Variants in TEX10 observed in about 807,000 individuals in gnomAD.
TEX10 encodes the protein testis-expressed protein 10.
Under a neutral mutation model 104.4 loss-of-function variants are expected in TEX10, and 24 were observed. The ratio of observed to expected loss-of-function variants is 0.23; its 90% confidence interval spans 0.17 to 0.32. The LOEUF is 0.32. Ranked by LOEUF, TEX10 falls within the 10% of genes least tolerant of loss-of-function variation. TEX10 has a pLI of 1.00. For missense variants in TEX10, 921 were observed against 1,083.9 expected (o/e 0.85, Z 2.11); for synonymous variants, 396 against 393.4 (o/e 1.01, Z -0.08).
chr9:100,349,762 C>T lies in TEX10; in HGVS notation c.-9-390G>A, dbSNP rs190742365. ...GTGCTCCTGGGCTTCGTAAGAGCCT[C>T]GGAGGAACTTCTCTAGCAATACCAA... On this transcript the variant is annotated intron_variant, in intron 1 of 14. Transcript: ENST00000374902. Among the ~76,000 whole-genome samples, 454 of 152,066 alleles carry T rather than the reference C, an allele frequency of 3.0e-3. 1 individual carries two copies. Among genetic ancestry groups the T allele is most frequent in the African/African-American group, 0.01 (432 of 41,468 alleles).
At chr9:100,306,544 T>C (rs1448014819) in intron 13 of TEX10, 1 of 152,226 alleles carries the variant, frequency 6.6e-6, no homozygotes, top group African/African-American at 2.4e-5. Flanking sequence ...CAGACAGTAC[T>C]AAACAACTCA....
intron 9 of TEX10, among the ~76,000 whole-genome samples, chr9:100,324,231 C>T (rs1366582254): frequency 1.3e-5 from 2 of 152,000 alleles, no homozygotes; most frequent in African/African-American, 2.4e-5. Context: ...TGGGGTTTCA[C>T]CACGTTGGCC....
intron 10 of TEX10, among the ~76,000 whole-genome samples, chr9:100,321,303 T>C (rs1340692989): frequency 6.6e-6 from 1 of 152,196 alleles, no homozygotes; most frequent in African/African-American, 2.4e-5. Context: ...ATTTCAAGTC[T>C]TCAGAAAATT....
chr9:100,349,445 C>A, intron 1 of TEX10, 73 bp from the exon 2 acceptor site: 2 of 886,872 alleles, frequency 2.3e-6, no homozygotes, highest in Admixed American at 3.5e-5. Context: ...CACTTTCCAA[C>A]ACATACTACT....
chr9:100,322,308 A>G (rs113816470), intron 9 of TEX10, among the ~76,000 whole-genome samples: 25 of 152,340 alleles, frequency 1.6e-4, no homozygotes, highest in African/African-American at 6.0e-4. Flanking sequence ...CAGCTAAGGT[A>G]TTGGCAGAGG....
At chr9:100,342,729 G>A (rs546781534) in intron 4 of TEX10, among the ~76,000 whole-genome samples, 1 of 152,252 alleles carries the variant, frequency 6.6e-6, no homozygotes, top group African/African-American at 2.4e-5. Flanking sequence ...AGCAAGTCAA[G>A]CATTAAATGC....
chr9:100,314,424 T>C (rs1203353801), intron 11 of TEX10, among the ~76,000 whole-genome samples: 2 of 152,068 alleles, frequency 1.3e-5, no homozygotes, highest in Non-Finnish European at 2.9e-5. Context: ...ATACTACTCA[T>C]TATTGGTCTG....
chr9:100,334,740 C>T (rs1834965783), intron 5 of TEX10, among the ~76,000 whole-genome samples: 1 of 151,628 alleles, frequency 6.6e-6, no homozygotes, highest in African/African-American at 2.4e-5. Context: ...TCTTGGCTCA[C>T]TGCAACCTCC....
intron 7 of TEX10, 68 bp from the exon 8 acceptor site, chr9:100,328,030 A>C: frequency 7.5e-7 from 1 of 1,335,672 alleles, no homozygotes; most frequent in East Asian, 2.7e-5. Flanking sequence ...AAACAAAAAA[A>C]AAATTTTTTT....
At chr9:100,322,050 T>A (rs1333240337) in intron 9 of TEX10, among the ~76,000 whole-genome samples, 2 of 152,126 alleles carry the variant, frequency 1.3e-5, no homozygotes, top group Non-Finnish European at 1.5e-5. Flanking sequence ...CATCTGAAAA[T>A]CAGACTCTAA....
At position 100,347,015 on chromosome 9, in the gene TEX10, G is replaced by C; in HGVS notation, c.572C>G (p.Ser191Cys). Residue 191 changes from serine (S) to cysteine (C), a missense_variant, in exon 3 of 15, where the codon TCT becomes TGT. Coordinates refer to ENST00000374902, the MANE Select transcript of TEX10 (RefSeq NM_017746.4). ...ILLKNFVELI[S>C]HQQLSKGLIN... ...CAGTCCTTTGGACAGCTGCTGATGA[G>C]AAATAAGTTCTACAAAATTCTTAAG... 3 of 1,614,166 alleles carry C rather than the reference G, an allele frequency of 1.9e-6. No homozygotes were observed. Among genetic ancestry groups the C allele is most frequent in the Non-Finnish European group, 2.5e-6 (3 of 1,180,002 alleles).
chr9:100,341,599 C>A (rs1835176237), intron 4 of TEX10, among the ~76,000 whole-genome samples: 1 of 152,164 alleles, frequency 6.6e-6, no homozygotes, highest in African/African-American at 2.4e-5. Flanking sequence ...ATCATTTCAA[C>A]CACTAGATAC....
At chr9:100,348,371 A>G (rs1253747078) in intron 2 of TEX10, among the ~76,000 whole-genome samples, 1 of 152,228 alleles carries the variant, frequency 6.6e-6, no homozygotes, top group Non-Finnish European at 1.5e-5. Flanking sequence ...TAAATATACC[A>G]AAACCAATGA....
intron 1 of TEX10, chr9:100,352,519 TCTCTCGGACCCGAAACCA>T: frequency 6.5e-7 from 1 of 1,550,254 alleles, no homozygotes; most frequent in East Asian, 2.4e-5. Flanking sequence ...GGGCTAAAAC[TCTCTCGGACCCGAAACCA>T]GGCGAACCCG....
chr9:100,351,762 T>C (rs1333290030), intron 1 of TEX10, among the ~76,000 whole-genome samples: 2 of 152,276 alleles, frequency 1.3e-5, no homozygotes, highest in African/African-American at 4.8e-5. Flanking sequence ...TTTTCAAACC[T>C]AGTAATATTA....
At chr9:100,324,839 C>G (rs978080928) in intron 9 of TEX10, among the ~76,000 whole-genome samples, 2 of 151,966 alleles carry the variant, frequency 1.3e-5, no homozygotes, top group Admixed American at 1.3e-4. Context: ...TCTTAAGTTA[C>G]GGAAAATTTT....
intron 1 of TEX10, 65 bp from the exon 2 acceptor site, chr9:100,349,437 C>T (rs573249366): frequency 6.3e-4 from 645 of 1,017,102 alleles, no homozygotes; most frequent in Non-Finnish European, 8.0e-4. Flanking sequence ...AAAAAAGGCA[C>T]TTTCCAACAC....
intron 5 of TEX10, among the ~76,000 whole-genome samples, chr9:100,330,453 G>T (rs1834829033): frequency 6.6e-6 from 1 of 152,126 alleles, no homozygotes; most frequent in Admixed American, 6.5e-5. Flanking sequence ...TATTGCCTGG[G>T]AACTTGAAAA....
In TEX10 at chr9:100,324,599, T is replaced by C. The variant is rs114768735; in HGVS notation, c.1979+1703A>G. Among the ~76,000 whole-genome samples, 537 of 152,296 alleles carry C rather than the reference T, an allele frequency of 3.5e-3. 1 individual carries two copies. Among genetic ancestry groups the C allele is most frequent in the African/African-American group, 0.012 (508 of 41,562 alleles). ...TAAAATTAATATATTTTCCCAATTC[T>C]CGCCACTCATCGCCACAAAAAGATA... is the stretch of plus-strand genomic sequence containing the variant. On this transcript the variant is annotated intron_variant, in intron 9 of 14. Transcript: ENST00000374902.
Sources: gnomAD v4.1 joint callset for allele counts (sites outside exome capture counted in the v4.1 genomes callset) on GRCh38, gnomAD v4.1.1 for gene constraint, MANE v1.5 for transcripts, NCBI Gene and HGNC (gene_info 2026-07-23, HGNC 2026-07-21) for gene names.